CLSTN2: variants seen among roughly 807,000 people sequenced by gnomAD.
CLSTN2 encodes the protein calsyntenin 2, also known as calsyntenin-2.
CLSTN2 carries 48 observed loss-of-function variants against 101.2 expected under a neutral mutation model. The observed-to-expected ratio is 0.47, with a 90% CI of 0.38 to 0.60. CLSTN2 has a LOEUF of 0.60. CLSTN2 is among the 20% of genes least tolerant of loss of function. CLSTN2 has a pLI of 0.00. For synonymous variants in CLSTN2, 481 were observed against 463.6 expected, an observed-to-expected ratio of 1.04 and a Z score of -0.48; for missense variants, 1,160 against 1,238.2, an observed-to-expected ratio of 0.94 and a Z score of 0.95.
chr3:140,474,905 C>G (rs900007888), intron 8 of CLSTN2, among the ~76,000 whole-genome samples: 1 of 152,192 alleles, frequency 6.6e-6, no homozygotes, highest in East Asian at 1.9e-4. Context: ...AAGTTAGGAG[C>G]AATTCTGGGC....
In CLSTN2 at chr3:140,481,004, G is replaced by T. The variant is rs552309001; in HGVS notation, c.1344+14273G>T. Among the ~76,000 whole-genome samples the T allele has an allele frequency of 5.5e-4, 84 of 152,256 alleles. 1 individual carries two copies. The East Asian group carries it at 0.012, about 22-fold the overall frequency. ...TGTTGCCATTGCTTTTGGTGTTTTA[G>T]ACATGAAGTCCTTGCCCATGCCTAT... On this transcript the variant is annotated intron_variant, in intron 8 of 16. Transcript: ENST00000458420.
chr3:140,563,346 T>G, intron 15 of CLSTN2, 143 bp downstream of exon 15: 1 of 888,344 alleles, frequency 1.1e-6, no homozygotes, highest in Non-Finnish European at 1.7e-6. Context: ...AAATGTGCCC[T>G]GGCTTTGAGA....
At chr3:140,374,979 A>G (rs1002376673) in intron 2 of CLSTN2, among the ~76,000 whole-genome samples, 31 of 152,236 alleles carry the variant, frequency 2.0e-4, no homozygotes, top group African/African-American at 7.2e-4. Flanking sequence ...AAGACTCACA[A>G]GTTTCTTGGC....
intron 2 of CLSTN2, among the ~76,000 whole-genome samples, chr3:140,243,305 C>T (rs966304560): frequency 6.6e-6 from 1 of 152,190 alleles, no homozygotes; most frequent in Admixed American, 6.5e-5. Flanking sequence ...TAATTTGAGA[C>T]TCAATATTTT....
chr3:140,325,776 T>C (rs1011304713), intron 2 of CLSTN2, among the ~76,000 whole-genome samples: 12 of 152,192 alleles, frequency 7.9e-5, no homozygotes, highest in African/African-American at 2.9e-4. Context: ...TCTAAGTTGC[T>C]AGCCATTCGG....
chr3:140,218,159 G>C (rs2010942403), intron 2 of CLSTN2, among the ~76,000 whole-genome samples: 1 of 152,144 alleles, frequency 6.6e-6, no homozygotes, highest in South Asian at 2.1e-4. Flanking sequence ...ATATTATTAA[G>C]CTCCTGTCAG....
chr3:140,111,423 C>T (rs57350681), intron 1 of CLSTN2, among the ~76,000 whole-genome samples: 4,969 of 152,202 alleles, frequency 0.033, 239 homozygotes, highest in African/African-American at 0.11. Context: ...GCCACTGGGG[C>T]AGGCTACCTG....
At chr3:140,560,449 A>G (rs1384843189) in intron 12 of CLSTN2, among the ~76,000 whole-genome samples, 1 of 152,108 alleles carries the variant, frequency 6.6e-6, no homozygotes, top group East Asian at 1.9e-4. Context: ...TTCCTGGCAA[A>G]TATCCCTGCC....
At position 140,530,633 on chromosome 3, in the gene CLSTN2, G is replaced by A. The variant is rs757672753; in HGVS notation, c.1345-1691G>A. Reference sequence around the variant, plus strand: ...TATTCTCCATCCAGCTTCAGCAGATGTGGATTGCTGTAGAGCCAGCTAAAG... The same window carrying A: ...TATTCTCCATCCAGCTTCAGCAGATATGGATTGCTGTAGAGCCAGCTAAAG... On this transcript the variant is annotated intron_variant, in intron 8 of 16. Coordinates refer to ENST00000458420, the MANE Select transcript of CLSTN2 (RefSeq NM_022131.3). Among the ~76,000 whole-genome samples the A allele has an allele frequency of 6.6e-5, 10 of 152,248 alleles. No homozygotes were observed. In the South Asian group the frequency reaches 8.3e-4, roughly 13 times the overall value.
chr3:140,232,440 C>A (rs140400426), intron 2 of CLSTN2, among the ~76,000 whole-genome samples: 1 of 152,116 alleles, frequency 6.6e-6, no homozygotes, highest in African/African-American at 2.4e-5. Flanking sequence ...CTGCCCATCT[C>A]TCCCCAGGGG....
chr3:140,493,318 G>T (rs1244922682), intron 8 of CLSTN2, among the ~76,000 whole-genome samples: 1 of 152,160 alleles, frequency 6.6e-6, no homozygotes, highest in Non-Finnish European at 1.5e-5. Flanking sequence ...CAGAGGGTTG[G>T]GGCAAGGCTT....
Position 140,566,593 on chromosome 3 carries a change from C to G in CLSTN2, c.*340C>G, listed in dbSNP as rs1936032307. On this transcript the variant is annotated 3_prime_UTR_variant, in exon 17 of 17. Transcript: ENST00000458420. ...GAAGGCCCACCTTTGTGTCACTCAC[C>G]TCCCCAGGCTCAGAGTCCCCAAGGC... 1 of 322,442 alleles carries G rather than the reference C, an allele frequency of 3.1e-6. No individual in the cohort carries two copies. Among genetic ancestry groups the G allele is most frequent in the Non-Finnish European group, 6.0e-6 (1 of 167,460 alleles). The allele number at this position is 322,442 out of a possible 1,614,324, so 20.0% of individuals were successfully genotyped here.
chr3:140,403,395 C>T (rs1005583741), intron 2 of CLSTN2, among the ~76,000 whole-genome samples: 2 of 152,168 alleles, frequency 1.3e-5, no homozygotes, highest in Non-Finnish European at 2.9e-5. Flanking sequence ...ACACACATCA[C>T]TTGAGGATCC....
intron 1 of CLSTN2, among the ~76,000 whole-genome samples, chr3:139,998,259 A>G (rs1560065639): frequency 6.7e-6 from 1 of 149,988 alleles, no homozygotes; most frequent in African/African-American, 2.5e-5. Context: ...TGCCAATAGG[A>G]GAACTGGAGC....
intron 8 of CLSTN2, among the ~76,000 whole-genome samples, chr3:140,475,865 G>A (rs895147714): frequency 2.0e-5 from 3 of 151,952 alleles, no homozygotes; most frequent in Admixed American, 6.6e-5. Flanking sequence ...TAAAAAGAAG[G>A]GAATAATATA....
chr3:140,337,374 T>C (rs2087454008), intron 2 of CLSTN2, among the ~76,000 whole-genome samples: 1 of 152,220 alleles, frequency 6.6e-6, no homozygotes, highest in Non-Finnish European at 1.5e-5. Flanking sequence ...GTATTCTCCC[T>C]GTGTCTTTAT....
At chr3:140,150,141 G>T (rs1414234054) in intron 1 of CLSTN2, among the ~76,000 whole-genome samples, 5 of 152,152 alleles carry the variant, frequency 3.3e-5, no homozygotes, top group Non-Finnish European at 5.9e-5. Flanking sequence ...ACTTCCTTTT[G>T]TCATCCTAGT....
intron 1 of CLSTN2, among the ~76,000 whole-genome samples, chr3:140,110,901 A>C (rs1292029598): frequency 6.6e-6 from 1 of 152,196 alleles, no homozygotes; most frequent in Non-Finnish European, 1.5e-5. Flanking sequence ...CAGGAAGAAA[A>C]TCAGGCCACT....
rs553179104 is a variant in CLSTN2 at position 139,936,647 on chromosome 3, G to A, written c.109+1164G>A. 3.3e-5 allele frequency among the ~76,000 whole-genome samples: 5 copies of A among 152,310 alleles called. No homozygotes were observed. The South Asian group carries it at 8.3e-4, about 25-fold the overall frequency. Reference sequence around the variant, plus strand: ...TACACTTGACCACTAGCTTAGGGGAGGAAATGCCTATCAGGCTGCATTACT... The same window carrying A: ...TACACTTGACCACTAGCTTAGGGGAAGAAATGCCTATCAGGCTGCATTACT... On this transcript the variant is annotated intron_variant, in intron 1 of 16. Transcript: ENST00000458420.
Sources: gnomAD v4.1 joint callset for allele counts (sites outside exome capture counted in the v4.1 genomes callset) on GRCh38, gnomAD v4.1.1 for gene constraint, MANE v1.5 for transcripts, NCBI Gene and HGNC (gene_info 2026-07-23, HGNC 2026-07-21) for gene names.